Variants in PROM2 observed in about 807,000 individuals in gnomAD.
The protein encoded by PROM2 is prominin-2.
A neutral mutation model predicts 110.2 loss-of-function variants in PROM2; 90 were observed. That is an observed-to-expected ratio of 0.82 (90% CI 0.69 to 0.97). The LOEUF is 0.97. PROM2 is among the 50% of genes least tolerant of loss of function. The pLI, the probability that PROM2 is intolerant of heterozygous loss-of-function variation, is 0.00. For missense variants in PROM2, 1,009 were observed against 1,074.8 expected (o/e 0.94, Z 0.86); for synonymous variants, 470 against 467.8 (o/e 1.00, Z -0.06).
chr2:95,287,242 C>A, intron 19 of PROM2, 29 bp downstream of exon 19: 2 of 1,604,192 alleles, frequency 1.2e-6, no homozygotes, highest in Non-Finnish European at 1.7e-6. Context: ...AGGGAAGGGG[C>A]TTCCACCCCA....
intron 23 of PROM2, 32 bp from the exon 24 acceptor site, chr2:95,289,192 C>T: frequency 5.0e-6 from 3 of 602,898 alleles, no homozygotes; most frequent in Non-Finnish European, 3.0e-6. Context: ...CCCTCCCTCC[C>T]CTTCACCCGT....
rs753962522 is a variant in PROM2, at chr2:95,276,401, C to A, written c.618+54C>A. 7 of 1,601,624 alleles carry A rather than the reference C, an allele frequency of 4.4e-6. No individual in the cohort carries two copies. Among genetic ancestry groups the A allele is most frequent in the Non-Finnish European group, 6.0e-6 (7 of 1,172,806 alleles). The stretch of plus-strand genomic sequence containing the variant: ...TGCCCCTGTGAGCACTGGGCCCGGG[C>A]AGGACAGAGCCGAGTGGGCCCTCGA... On this transcript the variant is annotated intron_variant, in intron 4 of 23. Transcript: ENST00000317620. This position sits in a 1 kb window ranked among gnomAD's most constrained non-coding sequence, Gnocchi z 4.6.
intron 8 of PROM2, 48 bp downstream of exon 8, chr2:95,278,052 G>A (rs1452506718): frequency 2.0e-6 from 3 of 1,510,148 alleles, no homozygotes; most frequent in Admixed American, 1.7e-5. Flanking sequence ...TGCCAAGTGA[G>A]GGCCTCTGTT....
chr2:95,287,101 G>T, intron 18 of PROM2, 32 bp from the exon 19 acceptor site: 1 of 1,587,526 alleles, frequency 6.3e-7, no homozygotes, highest in South Asian at 1.1e-5. Context: ...CGTGAATGTG[G>T]GACACTGAGT....
rs780904194 is a variant in PROM2, at chr2:95,276,050, C to T, written c.415C>T (p.Arg139Ter). The T allele has an allele frequency of 8.7e-6, 14 of 1,611,232 alleles. No homozygotes were observed. The highest frequency in any genetic ancestry group is 3.3e-4 in the Middle Eastern group (2 of 6,084). Residue 139 changes from arginine (R) to a stop codon, truncating the protein, a stop_gained, in exon 3 of 24, where the codon CGA becomes TGA. Transcript: ENST00000317620. LOFTEE classifies it high-confidence loss of function. This position sits in a 1 kb window ranked among gnomAD's most constrained non-coding sequence, Gnocchi z 4.6. ...CCGCTGCCACCGGCGCTGCGGGGGA[C>T]GAGTGAAGACAGAGCACAAGGCGCT... ...CCRCHRRCGG[R>*]VKTEHKALAC...
At chr2:95,287,104 C>T in intron 18 of PROM2, 29 bp from the exon 19 acceptor site, 2 of 1,593,376 alleles carry the variant, frequency 1.3e-6, no homozygotes, top group Non-Finnish European at 1.7e-6. Flanking sequence ...GAATGTGGGA[C>T]ACTGAGTTGA....
chr2:95,280,579 G>T (rs1440866196), intron 11 of PROM2, among the ~76,000 whole-genome samples: 1 of 152,182 alleles, frequency 6.6e-6, no homozygotes, highest in Non-Finnish European at 1.5e-5. Context: ...CCTGGAGTAG[G>T]TCACCTCCAT....
At chr2:95,274,869 G>C in intron 1 of PROM2, 40 bp downstream of exon 1, 1 of 1,493,584 alleles carries the variant, frequency 6.7e-7, no homozygotes, top group Non-Finnish European at 8.9e-7. Context: ...CAGCATTTGG[G>C]TCCCCAGCCC....
At chr2:95,286,399 C>G in intron 16 of PROM2, 80 bp from the exon 17 acceptor site, 1 of 1,264,338 alleles carries the variant, frequency 7.9e-7, no homozygotes, top group Non-Finnish European at 1.1e-6. Context: ...CCCACTTTCT[C>G]TTGGTATGTC....
At position 95,288,915 on chromosome 2, in the gene PROM2, C is replaced by T; in HGVS notation, c.2442-18C>T. 6.2e-7 allele frequency: 1 copy of T among 1,612,970 alleles called. No individual in the cohort carries two copies. Among genetic ancestry groups the T allele is most frequent in the Non-Finnish European group, 8.5e-7 (1 of 1,178,918 alleles). ...CTGGGGGGAAGGGTATGCTCACTCT[C>T]TGTCTTTGACACTGCAGCTCCACCA... On this transcript the variant is annotated intron_variant, in intron 22 of 23. Coordinates refer to ENST00000317620, the MANE Select transcript of PROM2 (RefSeq NM_001165978.3).
chr2:95,277,309 G>C, intron 6 of PROM2, 55 bp from the exon 7 acceptor site: 1 of 1,531,748 alleles, frequency 6.5e-7, no homozygotes, highest in Non-Finnish European at 8.8e-7. Flanking sequence ...CCTCCTGCAA[G>C]GCGTCTGGGG....
At chr2:95,281,896 G>C in intron 12 of PROM2, 29 bp from the exon 13 acceptor site, 1 of 1,572,156 alleles carries the variant, frequency 6.4e-7, no homozygotes, top group African/African-American at 1.3e-5. Context: ...ACCCCGCTCT[G>C]TGCCCATTTC....
intron 22 of PROM2, 45 bp downstream of exon 22, chr2:95,288,634 G>T (rs767875622): frequency 4.5e-6 from 7 of 1,546,218 alleles, no homozygotes; most frequent in South Asian, 1.1e-5. Context: ...GGCCAGGGAG[G>T]TGTCCTTTCA....
In PROM2 at chr2:95,277,479, G is replaced by A. The variant is rs779492309; in HGVS notation, c.888G>A (p.Glu296=). 8 of 1,612,548 alleles carry A rather than the reference G, an allele frequency of 5.0e-6. No individual in the cohort carries two copies. In the African/African-American group the frequency reaches 8.0e-5, roughly 16 times the overall value. ...GGGAACACCGGGACCGCCTCCTTGA[G>A]CTGCTGCAGGAGGCCAGGTGCCAGG... ...AIREHRDRLL[E]LLQEARCQGD... The change falls in exon 7 of 24, where the codon GAG becomes GAA. Residue 296 remains glutamate, a synonymous_variant. Coordinates refer to ENST00000317620, the MANE Select transcript of PROM2 (RefSeq NM_001165978.3).
Position 95,274,711 on chromosome 2 carries a change from C to A in PROM2, c.126C>A (p.Thr42=). 1 of 1,612,762 alleles carries A rather than the reference C, an allele frequency of 6.2e-7. No homozygotes were observed. Among genetic ancestry groups the A allele is most frequent in the Non-Finnish European group, 8.5e-7 (1 of 1,179,960 alleles). The stretch of plus-strand genomic sequence containing the variant: ...GCCCGGCAGAGCACCTGACATTCAC[C>A]CCAGCAGCCAGGGCCCGGTGGCTGG... The part of the protein sequence containing the change: ...FLGPAEHLTF[T]PAARARWLAP... The change falls in exon 1 of 24, where the codon ACC becomes ACA. Residue 42 remains threonine, a synonymous_variant. Transcript: ENST00000317620.
chr2:95,276,152 C>G lies in PROM2; in HGVS notation c.497+20C>G. 6.2e-7 allele frequency: 1 copy of G among 1,612,070 alleles called. No homozygotes were observed. ...GCTGCTGTAAGGCGCTGCCCAGGGC[C>G]CGGGTAGGGCGGGCTGTGGCCCCCA... is the stretch of plus-strand genomic sequence containing the variant. On this transcript the variant is annotated intron_variant, in intron 3 of 23. Transcript: ENST00000317620. The surrounding 1 kb of genome is among the most constrained non-coding windows in gnomAD (Gnocchi z 4.6).
Position 95,279,162 on chromosome 2 carries a change from G to GTGGGA in PROM2, c.1274+23_1274+27dup, listed in dbSNP as rs1382993940. The stretch of plus-strand genomic sequence containing the variant: ...ACCTACAGGTGCTGGGCACCGCAGG[G>GTGGGA]TGGGATGGGGTGGGGTGGGGTGGGC... On this transcript the variant is annotated intron_variant, in intron 10 of 23. Coordinates refer to ENST00000317620, the MANE Select transcript of PROM2 (RefSeq NM_001165978.3). 3.0e-6 allele frequency: 4 copies of GTGGGA among 1,339,740 alleles called. 1 individual carries two copies. In the South Asian group the frequency reaches 5.8e-5, roughly 19 times the overall value. 83.0% of individuals were successfully genotyped at this position (1,339,740 alleles called of 1,614,324 possible).
intron 21 of PROM2, 45 bp downstream of exon 21, chr2:95,288,345 C>A (rs767008013): frequency 4.4e-6 from 7 of 1,606,356 alleles, no homozygotes; most frequent in Non-Finnish European, 6.0e-6. Context: ...AGTCCCGGAG[C>A]CTTCCTGCTC....
intron 20 of PROM2, 77 bp from the exon 21 acceptor site, chr2:95,288,134 T>C: frequency 6.9e-7 from 1 of 1,450,150 alleles, no homozygotes; most frequent in South Asian, 1.2e-5. Flanking sequence ...TGTCAACCAC[T>C]CTCCCTGAAT....
Sources: allele counts gnomAD v4.1 joint callset (sites outside exome capture counted in the v4.1 genomes callset), GRCh38; gene constraint gnomAD v4.1.1; non-coding constraint Gnocchi (gnomAD v3.1); transcripts MANE v1.5; gene names NCBI Gene and HGNC (gene_info 2026-07-23, HGNC 2026-07-21).